Variants in PCDHGA6 observed in about 807,000 individuals in gnomAD.
The protein encoded by PCDHGA6 is protocadherin gamma-A6.
A neutral mutation model predicts 60.6 loss-of-function variants in PCDHGA6; 41 were observed. The ratio of observed to expected loss-of-function variants is 0.68; its 90% CI spans 0.53 to 0.88. The LOEUF (loss-of-function observed/expected upper bound fraction) is 0.88, where lower values mean the gene tolerates loss of function less well. Among genes scored for constraint, PCDHGA6 ranks in the 40% least tolerant of loss-of-function variants. The pLI, the probability that PCDHGA6 is intolerant of heterozygous loss-of-function variation, is 0.00. For synonymous variants in PCDHGA6, 594 were observed against 524.4 expected (o/e 1.13, Z -1.81); for missense variants, 1,312 against 1,203.0 (o/e 1.09, Z -1.34).
rs1374646530 is a variant in PCDHGA6, at chr5:141,431,339, T to C, written c.2424+54832T>C. ...AGCCGACGGTAGTAAGTACCCCGAA[T>C]TGGTGCTGAAACGCGCCCTGGACCG... On this transcript the variant is annotated intron_variant, in intron 1 of 3. Coordinates refer to ENST00000517434, the MANE Select transcript of PCDHGA6 (RefSeq NM_018919.3). This position sits in a 1 kb window ranked among gnomAD's most constrained non-coding sequence, Gnocchi z 4.8. 1 of 1,614,060 alleles carries C rather than the reference T, an allele frequency of 6.2e-7. No individual in the cohort carries two copies. The highest frequency in any genetic ancestry group is 8.5e-7 in the Non-Finnish European group (1 of 1,180,024).
chr5:141,402,965 A>G, intron 1 of PCDHGA6: 2 of 1,606,016 alleles, frequency 1.2e-6, no homozygotes, highest in Non-Finnish European at 1.7e-6. Flanking sequence ...GGCAGCTCCA[A>G]CCAAATGCCA....
Position 141,486,253 on chromosome 5 carries a change from C to A in PCDHGA6, c.2425-8554C>A. The A allele has an allele frequency of 6.2e-7, 1 of 1,614,138 alleles. No individual in the cohort carries two copies. Among genetic ancestry groups the A allele is most frequent in the Non-Finnish European group, 8.5e-7 (1 of 1,180,006 alleles). On this transcript the variant is annotated intron_variant, in intron 1 of 3. Transcript: ENST00000517434. This position sits in a 1 kb window ranked among gnomAD's most constrained non-coding sequence, Gnocchi z 5.0. ...TGACCTCAGAGCTTGGAACCCTCCC[C>A]GAGAGTGCAGAACCTGGCACTGTGG...
chr5:141,485,858 C>A lies in PCDHGA6; in HGVS notation c.2425-8949C>A, dbSNP rs1431906047. 8.1e-6 allele frequency: 13 copies of A among 1,614,162 alleles called. No individual in the cohort carries two copies. The South Asian group carries it at 1.4e-4, about 18-fold the overall frequency. ...GCCGAGATCTGGCACCGCAGAGCTC[C>A]GGGTATCCGTGCTGGACGTAAACGA... On this transcript the variant is annotated intron_variant, in intron 1 of 3. Coordinates refer to ENST00000517434, the MANE Select transcript of PCDHGA6 (RefSeq NM_018919.3). This position sits in a 1 kb window ranked among gnomAD's most constrained non-coding sequence, Gnocchi z 5.7.
At chr5:141,400,796 A>G (rs2094076929) in intron 1 of PCDHGA6, 1 of 559,742 alleles carries the variant, frequency 1.8e-6, no homozygotes. Context: ...CCTCTTTCTC[A>G]AAGCTAATGA....
In PCDHGA6 at chr5:141,374,455, G is replaced by T; in HGVS notation, c.372G>T (p.Val124=). The T allele has an allele frequency of 1.2e-6, 2 of 1,613,610 alleles. No homozygotes were observed. The highest frequency in any genetic ancestry group is 1.7e-6 in the Non-Finnish European group (2 of 1,179,590). ...TTTATCCCGTGGAAGTGGAAATAGTGGACATTAATGACAATACACCCCGAT... is the reference window on the plus strand; with the variant it reads ...TTTATCCCGTGGAAGTGGAAATAGTTGACATTAATGACAATACACCCCGAT... ...LNLYPVEVEI[V]DINDNTPRFL... Residue 124 remains valine (V), a synonymous_variant, in exon 1 of 4, where the codon GTG becomes GTT. Transcript: ENST00000517434.
In PCDHGA6 at chr5:141,476,784, C is replaced by A; in HGVS notation, c.2425-18023C>A. 1 of 1,613,520 alleles carries A rather than the reference C, an allele frequency of 6.2e-7. No homozygotes were observed. On this transcript the variant is annotated intron_variant, in intron 1 of 3. Transcript: ENST00000517434. The surrounding 1 kb of genome is among the most constrained non-coding windows in gnomAD (Gnocchi z 7.6). ...ACGGCGTTGGACGGAGGGACCCCAGCTCTCTCCGCCAGCCTGCCTATTCAC... is the reference window on the plus strand; with the variant it reads ...ACGGCGTTGGACGGAGGGACCCCAGATCTCTCCGCCAGCCTGCCTATTCAC...
At chr5:141,427,599 C>G (rs1233253295) in intron 1 of PCDHGA6, 1 of 682,980 alleles carries the variant, frequency 1.5e-6, no homozygotes, top group African/African-American at 1.8e-5. Flanking sequence ...CCTCACCCTA[C>G]GCATTGGTGA....
intron 1 of PCDHGA6, chr5:141,409,290 G>T: frequency 6.2e-7 from 1 of 1,613,974 alleles, no homozygotes; most frequent in Non-Finnish European, 8.5e-7. Flanking sequence ...TCACCTCCAG[G>T]AATGGTTGTT....
intron 1 of PCDHGA6, chr5:141,422,076 G>C (rs2096622180): frequency 1.2e-6 from 2 of 1,612,270 alleles, no homozygotes; most frequent in South Asian, 1.1e-5. Flanking sequence ...ATTCATTTCG[G>C]AACATGGAAA....
At chr5:141,385,302 A>G in intron 1 of PCDHGA6, 1 of 1,613,202 alleles carries the variant, frequency 6.2e-7, no homozygotes, top group Admixed American at 1.7e-5. Flanking sequence ...AGGAATGTAA[A>G]GAAAACCTGC....
chr5:141,435,745 A>T (rs2097777848), intron 1 of PCDHGA6, among the ~76,000 whole-genome samples: 1 of 152,184 alleles, frequency 6.6e-6, no homozygotes, highest in African/African-American at 2.4e-5. Context: ...TTTGAAAAGC[A>T]TTGCTTGATT....
chr5:141,427,775 G>A (rs768191014), intron 1 of PCDHGA6: 35 of 1,424,948 alleles, frequency 2.5e-5, no homozygotes, highest in Non-Finnish European at 2.9e-5. Context: ...TGGAGCTGCG[G>A]GCACTGTCGT....
chr5:141,406,390 ATTC>A (rs2094804697), intron 1 of PCDHGA6, among the ~76,000 whole-genome samples: 1 of 152,172 alleles, frequency 6.6e-6, no homozygotes, highest in Non-Finnish European at 1.5e-5. Flanking sequence ...AGGTAAATGT[ATTC>A]TTCTTAGAGA....
chr5:141,389,331 G>A (rs1212558688), intron 1 of PCDHGA6: 15 of 1,613,986 alleles, frequency 9.3e-6, no homozygotes, highest in Middle Eastern at 1.6e-4. Context: ...GGGGCCCAAC[G>A]GCCAAGTCTC....
chr5:141,471,631 G>A (rs573080972), intron 1 of PCDHGA6: 7 of 152,188 alleles, frequency 4.6e-5, no homozygotes, highest in African/African-American at 9.6e-5. Flanking sequence ...CATTGGTATG[G>A]ATTAGTAATA....
At chr5:141,479,470 T>G (rs2099497188) in intron 1 of PCDHGA6, 1 of 152,250 alleles carries the variant, frequency 6.6e-6, no homozygotes, top group African/African-American at 2.4e-5. Context: ...CAGTGACCTC[T>G]TGGGAGGGCA....
chr5:141,389,171 C>G (rs772221999), intron 1 of PCDHGA6: 11 of 1,613,892 alleles, frequency 6.8e-6, no homozygotes, highest in Admixed American at 3.3e-5. Context: ...GCAAGCCTCC[C>G]CTCTCCTCCA....
chr5:141,374,243 C>A lies in PCDHGA6; in HGVS notation c.160C>A (p.Leu54Met). ...AGGCAACATCGTCAAGGATCTGGGACTGGAGCCCCAGGAGTTGGCGGAGCA... is the reference window on the plus strand; with the variant it reads ...AGGCAACATCGTCAAGGATCTGGGAATGGAGCCCCAGGAGTTGGCGGAGCA... ...FVGNIVKDLGLEPQELAEHGV... is the reference protein window; with the variant it reads ...FVGNIVKDLGMEPQELAEHGV... Residue 54 changes from leucine to methionine, a missense_variant, in exon 1 of 4, where the codon CTG becomes ATG. Transcript: ENST00000517434. 6.2e-7 allele frequency: 1 copy of A among 1,614,000 alleles called. No homozygotes were observed. The highest frequency in any genetic ancestry group is 8.5e-7 in the Non-Finnish European group (1 of 1,179,896).
intron 1 of PCDHGA6, chr5:141,414,008 A>G (rs753686379): frequency 4.3e-6 from 7 of 1,613,188 alleles, no homozygotes; most frequent in Middle Eastern, 1.6e-4. Context: ...GAAGGTGCCA[A>G]TGGAGAAGTG....
Sources: gnomAD v4.1 joint callset for allele counts (sites outside exome capture counted in the v4.1 genomes callset) on GRCh38, gnomAD v4.1.1 for gene constraint, Gnocchi (gnomAD v3.1) non-coding constraint, MANE v1.5 for transcripts, NCBI Gene and HGNC (gene_info 2026-07-23, HGNC 2026-07-21) for gene names.